Variants in ALDH7A1 observed in about 807,000 individuals in gnomAD.
ALDH7A1 encodes the protein aldehyde dehydrogenase 7 family member A1.
Under a neutral mutation model 79.9 loss-of-function variants are expected in ALDH7A1, and 63 were observed. The observed-to-expected ratio is 0.79, with a 90% CI of 0.64 to 0.97. The LOEUF is 0.97. Ranked by LOEUF, ALDH7A1 falls within the 50% of genes least tolerant of loss-of-function variation. The pLI is 0.00. For synonymous variants in ALDH7A1, 240 were observed against 231.2 expected (o/e 1.04, Z -0.34); for missense variants, 627 against 665.2 (o/e 0.94, Z 0.63).
In ALDH7A1 at chr5:126,559,499, G is replaced by A. The variant is rs1423748431; in HGVS notation, c.914-165C>T. 1.8e-5 allele frequency: 10 copies of A among 564,694 alleles called. 1 individual carries two copies. The highest frequency in any genetic ancestry group is 5.4e-5 in the South Asian group (3 of 55,450). The allele number at this position is 564,694 out of a possible 1,614,324, so 35.0% of individuals were successfully genotyped here. A position where few individuals can be genotyped will look rare whatever the true frequency, so the allele number is the denominator to read the frequency against. ...CACCCAGGATGGAGTGCAATGGCAC[G>A]ATCTCGGCTCACTGCAACCTTTGCC... is the stretch of plus-strand genomic sequence containing the variant. On this transcript the variant is annotated intron_variant, in intron 10 of 17. Transcript: ENST00000409134.
At chr5:126,583,122 A>G (rs949490208) in intron 4 of ALDH7A1, 148 bp from the exon 5 acceptor site, 1 of 998,060 alleles carries the variant, frequency 1.0e-6, no homozygotes, top group African/African-American at 1.6e-5. Flanking sequence ...TTAAAACACA[A>G]CAATTGCCTT....
At chr5:126,581,965 G>A (rs7709981) in intron 5 of ALDH7A1, 33,601 of 369,214 alleles carry the variant, frequency 0.091, 1,642 homozygotes, top group African/African-American at 0.12. Flanking sequence ...GCAACAGAGC[G>A]AGACTCCATC....
intron 9 of ALDH7A1, chr5:126,567,788 T>TC (rs1491107558): frequency 0.15 from 15,058 of 100,196 alleles, 1,107 homozygotes; most frequent in African/African-American, 0.39. Context: ...TTTTTTTTTC[T>TC]TTTTTTTTTT....
rs188799752 is a variant in ALDH7A1, at chr5:126,590,541, C to A, written c.312+2123G>T. ...ACCACTGCAGAGTGACAGAGTGAGA[C>A]TCCGTCTCAAAAGAAAAAAGTATGT... On this transcript the variant is annotated intron_variant, in intron 3 of 17. Coordinates refer to ENST00000409134, the MANE Select transcript of ALDH7A1 (RefSeq NM_001182.5). 8.6e-5 allele frequency among the ~76,000 whole-genome samples: 13 copies of A among 151,966 alleles called. No individual in the cohort carries two copies. In the East Asian group the frequency reaches 2.5e-3, roughly 29 times the overall value.
At chr5:126,546,860 A>C (rs1285861773) in intron 16 of ALDH7A1, among the ~76,000 whole-genome samples, 1 of 152,226 alleles carries the variant, frequency 6.6e-6, no homozygotes, top group African/African-American at 2.4e-5. Context: ...ATACATTAAG[A>C]AAATATAACA....
At chr5:126,564,928 C>A (rs1431945708) in intron 9 of ALDH7A1, among the ~76,000 whole-genome samples, 1 of 152,166 alleles carries the variant, frequency 6.6e-6, no homozygotes, top group Non-Finnish European at 1.5e-5. Flanking sequence ...ATAATTAAGA[C>A]AGGCAGATAC....
At chr5:126,589,848 A>T (rs1219595630) in intron 3 of ALDH7A1, among the ~76,000 whole-genome samples, 4 of 139,156 alleles carry the variant, frequency 2.9e-5, no homozygotes, top group Non-Finnish European at 4.6e-5. Flanking sequence ...CTGCCGCCCC[A>T]TCTGGGAAGT....
At chr5:126,584,135 T>A in intron 3 of ALDH7A1, 123 bp from the exon 4 acceptor site, 1 of 864,728 alleles carries the variant, frequency 1.2e-6, no homozygotes. Flanking sequence ...TTTGATCACA[T>A]CAAAACTGTG....
At chr5:126,550,802 A>G (rs1749970770) in intron 14 of ALDH7A1, among the ~76,000 whole-genome samples, 1 of 152,256 alleles carries the variant, frequency 6.6e-6, no homozygotes, top group Non-Finnish European at 1.5e-5. Context: ...AATTTAAAGC[A>G]AGAAATAAAG....
intron 2 of ALDH7A1, among the ~76,000 whole-genome samples, 175 bp downstream of exon 2, chr5:126,593,176 A>G (rs1337676995): frequency 6.6e-6 from 1 of 152,178 alleles, no homozygotes; most frequent in Non-Finnish European, 1.5e-5. Flanking sequence ...TCCCCCAGAC[A>G]GTCCTAAATG....
At chr5:126,584,033 T>C (rs779350905) in intron 3 of ALDH7A1, 21 bp from the exon 4 acceptor site, 2 of 1,594,158 alleles carry the variant, frequency 1.3e-6, no homozygotes, top group Non-Finnish European at 8.6e-7. Flanking sequence ...AATGCAATTT[T>C]TGTGTCTGAT....
In ALDH7A1 at chr5:126,560,482, G is replaced by A. The variant is rs976852821; in HGVS notation, c.913+601C>T. On this transcript the variant is annotated intron_variant, in intron 10 of 17. Coordinates refer to ENST00000409134, the MANE Select transcript of ALDH7A1 (RefSeq NM_001182.5). ...TAAGACTCCCGTCTCAAAAAAAAAA[G>A]TTCATCCAGAACAAACACTTCACCA... Among the ~76,000 whole-genome samples the A allele has an allele frequency of 2.1e-4, 32 of 152,046 alleles. 1 individual carries two copies. Among genetic ancestry groups the A allele is most frequent in the Admixed American group, 1.8e-3 (28 of 15,262 alleles).
chr5:126,571,853 A>G (rs2112786963), intron 7 of ALDH7A1, among the ~76,000 whole-genome samples: 1 of 152,288 alleles, frequency 6.6e-6, no homozygotes, highest in Non-Finnish European at 1.5e-5. Context: ...AATGCCACAG[A>G]CACAAAAGAA....
intron 3 of ALDH7A1, among the ~76,000 whole-genome samples, chr5:126,591,088 T>C (rs919312816): frequency 1.3e-5 from 2 of 152,088 alleles, no homozygotes; most frequent in Admixed American, 1.3e-4. Context: ...GGGGACTAAA[T>C]TTGTTTATCT....
Position 126,593,664 on chromosome 5 carries a change from TA to T in ALDH7A1, c.193-261del, listed in dbSNP as rs1751637136. Reference sequence around the variant, plus strand: ...AGGCATATAAACAAAAGCCTTAACATAAGCAGTTATTTTGTCTCTTTTTCCA... The same window carrying T: ...AGGCATATAAACAAAAGCCTTAACATAGCAGTTATTTTGTCTCTTTTTCCA... On this transcript the variant is annotated intron_variant, in intron 1 of 17. Coordinates refer to ENST00000409134, the MANE Select transcript of ALDH7A1 (RefSeq NM_001182.5). 8.5e-6 allele frequency: 5 copies of T among 587,696 alleles called. No individual in the cohort carries two copies. The East Asian group carries it at 1.4e-4, about 17-fold the overall frequency. 36.4% of individuals were successfully genotyped at this position (587,696 alleles called of 1,614,324 possible). A position where few individuals can be genotyped will look rare whatever the true frequency, so the allele number is the denominator to read the frequency against.
chr5:126,593,058 C>T (rs997781970), intron 2 of ALDH7A1, among the ~76,000 whole-genome samples: 2 of 152,210 alleles, frequency 1.3e-5, no homozygotes, highest in African/African-American at 2.4e-5. Flanking sequence ...ACAAAATCCT[C>T]AGGTACTTCA....
intron 5 of ALDH7A1, among the ~76,000 whole-genome samples, chr5:126,578,472 T>C (rs2112796262): frequency 6.6e-6 from 1 of 151,508 alleles, no homozygotes; most frequent in South Asian, 2.1e-4. Flanking sequence ...GACCCCTGAC[T>C]CTACAAAAAA....
chr5:126,572,888 C>T (rs1750823573), intron 7 of ALDH7A1, among the ~76,000 whole-genome samples: 1 of 152,182 alleles, frequency 6.6e-6, no homozygotes, highest in Non-Finnish European at 1.5e-5. Flanking sequence ...TCTGAATACA[C>T]AGAAGAACCA....
intron 3 of ALDH7A1, among the ~76,000 whole-genome samples, chr5:126,584,949 T>C (rs1751310180): frequency 6.6e-6 from 1 of 152,150 alleles, no homozygotes; most frequent in South Asian, 2.1e-4. Flanking sequence ...TTTCTCCAAC[T>C]GTGACCATCA....
Sources: allele counts gnomAD v4.1 joint callset (sites outside exome capture counted in the v4.1 genomes callset), GRCh38; gene constraint gnomAD v4.1.1; transcripts MANE v1.5; gene names NCBI Gene and HGNC (gene_info 2026-07-23, HGNC 2026-07-21).